TRHDE: variants seen among roughly 807,000 people sequenced by gnomAD.
TRHDE encodes thyrotropin-releasing hormone-degrading ectoenzyme.
A neutral mutation model predicts 125.7 loss-of-function variants in TRHDE; 72 were observed. The observed-to-expected ratio is 0.57, with a 90% confidence interval of 0.47 to 0.70. The LOEUF is 0.70. Ranked by LOEUF, TRHDE falls within the 30% of genes least tolerant of loss-of-function variation. The pLI, the probability that TRHDE is intolerant of heterozygous loss-of-function variation, is 0.00. For missense variants in TRHDE, 1,110 were observed against 1,327.1 expected, an observed-to-expected ratio of 0.84 and a Z score of 2.54; for synonymous variants, 509 against 509.1, an observed-to-expected ratio of 1.00 and a Z score of 0.00.
intron 2 of TRHDE, among the ~76,000 whole-genome samples, chr12:72,228,150 A>G (rs1298264965): frequency 6.6e-6 from 1 of 152,012 alleles, no homozygotes; most frequent in Admixed American, 6.6e-5. Context: ...GGGGGCTCCA[A>G]CCCCACATTT....
intron 2 of TRHDE, among the ~76,000 whole-genome samples, chr12:72,266,780 C>T (rs961260495): frequency 1.2e-4 from 19 of 152,018 alleles, no homozygotes; most frequent in Non-Finnish European, 1.8e-4. Flanking sequence ...AAATGACCTG[C>T]GTGGCTTTGA....
intron 7 of TRHDE, among the ~76,000 whole-genome samples, chr12:72,542,754 G>A (rs946112207): frequency 6.6e-6 from 1 of 151,198 alleles, no homozygotes; most frequent in African/African-American, 2.4e-5. Context: ...TTTCAAATAT[G>A]CGCCTTTTAG....
rs1014119429 is a variant in TRHDE, at chr12:72,668,375, T to C, written c.*5180T>C. Reference sequence around the variant, plus strand: ...CATTGCATGCATTTTGTTTTTTAAATAGGTTTTTCACCACTGGCCCCACTA... The same window carrying C: ...CATTGCATGCATTTTGTTTTTTAAACAGGTTTTTCACCACTGGCCCCACTA... On this transcript the variant is annotated 3_prime_UTR_variant, in exon 19 of 19. Transcript: ENST00000261180. 6.6e-6 allele frequency: 1 copy of C among 151,772 alleles called. No individual in the cohort carries two copies. The highest frequency in any genetic ancestry group is 1.5e-5 in the Non-Finnish European group (1 of 67,758). The allele number at this position is 151,772 out of a possible 1,614,324, so 9.4% of individuals were successfully genotyped here. A position where few individuals can be genotyped will look rare whatever the true frequency, so the allele number is the denominator to read the frequency against.
intron 2 of TRHDE, among the ~76,000 whole-genome samples, chr12:72,333,118 C>A (rs1032505494): frequency 6.6e-6 from 1 of 152,164 alleles, no homozygotes; most frequent in Non-Finnish European, 1.5e-5. Flanking sequence ...TGATTTAATG[C>A]CCCCAGTAAT....
chr12:72,212,308 G>C (rs989503743), intron 2 of TRHDE, among the ~76,000 whole-genome samples: 11 of 151,482 alleles, frequency 7.3e-5, no homozygotes, highest in Non-Finnish European at 2.9e-5. Context: ...TAGTCTTTAT[G>C]ATTGACTTTT....
intron 2 of TRHDE, among the ~76,000 whole-genome samples, chr12:72,345,774 G>A (rs778833359): frequency 1.1e-4 from 16 of 152,046 alleles, no homozygotes; most frequent in Non-Finnish European, 1.9e-4. Context: ...GAGACAGACA[G>A]CTGAAGAGGT....
At chr12:72,095,380 G>A (rs1276367593) in intron 1 of TRHDE, among the ~76,000 whole-genome samples, 1 of 152,198 alleles carries the variant, frequency 6.6e-6, no homozygotes, top group Non-Finnish European at 1.5e-5. Context: ...ATCCTAGGAA[G>A]GAGTGAGGTT....
intron 2 of TRHDE, among the ~76,000 whole-genome samples, chr12:72,149,279 G>A (rs1198812317): frequency 6.6e-6 from 1 of 152,046 alleles, no homozygotes; most frequent in African/African-American, 2.4e-5. Context: ...CTCAGAATTG[G>A]TTATAAGTCC....
At chr12:72,239,202 A>G (rs1040550133) in intron 2 of TRHDE, among the ~76,000 whole-genome samples, 3 of 149,462 alleles carry the variant, frequency 2.0e-5, no homozygotes, top group African/African-American at 7.4e-5. Context: ...TTTGAGAAGT[A>G]TCTGTTCATA....
chr12:72,360,264 T>A (rs1385530481), intron 2 of TRHDE, among the ~76,000 whole-genome samples: 8 of 151,844 alleles, frequency 5.3e-5, no homozygotes, highest in Admixed American at 5.3e-4. Context: ...AAGTAAAAAA[T>A]TCTATTTGAT....
At chr12:72,593,940 A>G (rs1871809520) in intron 12 of TRHDE, among the ~76,000 whole-genome samples, 1 of 152,050 alleles carries the variant, frequency 6.6e-6, no homozygotes, top group Non-Finnish European at 1.5e-5. Context: ...GTTGGTTCCA[A>G]GTTTTTGCTA....
intron 3 of TRHDE, among the ~76,000 whole-genome samples, chr12:72,389,528 C>T (rs1053775395): frequency 6.6e-5 from 10 of 152,136 alleles, no homozygotes; most frequent in East Asian, 1.9e-4. Context: ...TAGACTAGAG[C>T]GCTGGTGGGG....
intron 12 of TRHDE, among the ~76,000 whole-genome samples, chr12:72,602,805 G>A (rs58509346): frequency 0.26 from 40,017 of 151,988 alleles, 7,972 homozygotes; most frequent in East Asian, 0.54. Context: ...AACCATGTCT[G>A]AAATAACAAC....
intron 2 of TRHDE, among the ~76,000 whole-genome samples, chr12:72,372,793 A>C (rs986433590): frequency 2.4e-4 from 36 of 152,062 alleles, no homozygotes; most frequent in Non-Finnish European, 3.5e-4. Flanking sequence ...GTTACTGTAG[A>C]CTTGTAGTAT....
intron 2 of TRHDE, among the ~76,000 whole-genome samples, chr12:72,369,296 A>G (rs752199194): frequency 2.6e-5 from 4 of 152,158 alleles, no homozygotes; most frequent in Non-Finnish European, 2.9e-5. Context: ...TGCCATAAGC[A>G]TATTTTTCCA....
At chr12:72,235,472 AC>A (rs1355372402) in intron 2 of TRHDE, among the ~76,000 whole-genome samples, 1 of 152,198 alleles carries the variant, frequency 6.6e-6, no homozygotes, top group Non-Finnish European at 1.5e-5. Flanking sequence ...TCTTAACCAT[AC>A]TACGCTAAGG....
intron 5 of TRHDE, among the ~76,000 whole-genome samples, chr12:72,487,631 T>A (rs929478989): frequency 2.0e-5 from 3 of 152,112 alleles, no homozygotes; most frequent in Non-Finnish European, 4.4e-5. Context: ...TTACAAGAAA[T>A]ACTTAAAGAA....
intron 2 of TRHDE, among the ~76,000 whole-genome samples, chr12:72,207,497 A>G (rs1239888766): frequency 2.6e-5 from 4 of 152,212 alleles, no homozygotes; most frequent in Non-Finnish European, 5.9e-5. Context: ...TTCCCTAATA[A>G]AAAGGACAGC....
intron 3 of TRHDE, among the ~76,000 whole-genome samples, chr12:72,456,882 A>G (rs181571607): frequency 6.6e-6 from 1 of 152,286 alleles, no homozygotes; most frequent in African/African-American, 2.4e-5. Context: ...TCTAATGTAA[A>G]TTGAACTAGG....
Sources: allele counts gnomAD v4.1 joint callset (sites outside exome capture counted in the v4.1 genomes callset), GRCh38; gene constraint gnomAD v4.1.1; transcripts MANE v1.5; gene names NCBI Gene and HGNC (gene_info 2026-07-23, HGNC 2026-07-21).